The following TLCD5 variants were observed in gnomAD, a reference collection of about 807,000 sequenced individuals.
TLCD5 encodes TLC domain containing 5.
Under a neutral mutation model 20.5 loss-of-function variants are expected in TLCD5, and 15 were observed. That is an observed-to-expected ratio of 0.73 (90% CI 0.49 to 1.13). The LOEUF (loss-of-function observed/expected upper bound fraction) is 1.13, where lower values mean the gene tolerates loss of function less well. Ranked by LOEUF, TLCD5 falls within the 50% of genes most tolerant of loss-of-function variation. The pLI is 0.00. For missense variants in TLCD5, 289 were observed against 305.6 expected (o/e 0.95, Z 0.41); for synonymous variants, 107 against 114.7 (o/e 0.93, Z 0.43).
Position 120,330,479 on chromosome 11 carries a change from G to A in TLCD5, c.702G>A (p.Arg234=). The change falls in exon 3 of 3, where the codon CGG becomes CGA. Residue 234 remains arginine (R), a synonymous_variant. Coordinates refer to ENST00000375095, the MANE Select transcript of TLCD5 (RefSeq NM_001198671.2). ...GGAGAAGCAGGCGGAGTGAGGAACG[G>A]CAGCTGAAACACAACGGACATCTCA... ...HAWRSRRSEE[R]QLKHNGHLKI... The A allele has an allele frequency of 1.9e-6, 3 of 1,613,852 alleles. No homozygotes were observed. The Admixed American group carries it at 5.0e-5, about 27-fold the overall frequency.
rs1308326398 is a variant in TLCD5 at position 120,327,445 on chromosome 11, G to T, written c.4G>T (p.Ala2Ser). Reference protein sequence around the residue: MALALCLQVLCS... With the variant: MSLALCLQVLCS... Reference sequence around the variant, plus strand: ...GTTTTGGTCTTTTCATCACAGGATGGCATTAGCTCTGTGTCTGCAGGTGCT... The same window carrying T: ...GTTTTGGTCTTTTCATCACAGGATGTCATTAGCTCTGTGTCTGCAGGTGCT... The change falls in exon 2 of 3, where the codon GCA becomes TCA. Residue 2 changes from alanine (A) to serine (S), a missense_variant. Transcript: ENST00000375095. 6.2e-7 allele frequency: 1 copy of T among 1,614,174 alleles called. No homozygotes were observed.
Position 120,330,376 on chromosome 11 carries a change from T to C in TLCD5, c.599T>C (p.Met200Thr). ...KWFVKAGGVA[M>T]YAVSWCFMFS... The stretch of plus-strand genomic sequence containing the variant: ...TTTGTGAAGGCTGGGGGAGTAGCGA[T>C]GTATGCTGTGTCTTGGTGTTTCATG... The change falls in exon 3 of 3, where the codon ATG becomes ACG. Residue 200 changes from methionine (M) to threonine (T), a missense_variant. Coordinates refer to ENST00000375095, the MANE Select transcript of TLCD5 (RefSeq NM_001198671.2). 4 of 1,614,090 alleles carry C rather than the reference T, an allele frequency of 2.5e-6. No homozygotes were observed. The highest frequency in any genetic ancestry group is 3.4e-6 in the Non-Finnish European group (4 of 1,179,996).
At chr11:120,328,678 A>T (rs12802648) in intron 2 of TLCD5, among the ~76,000 whole-genome samples, 485 of 24,062 alleles carry the variant, frequency 0.02, 3 homozygotes, top group African/African-American at 0.055. Flanking sequence ...TAACAGTCAT[A>T]GTGTGTGTGT....
chr11:120,328,977 C>T (rs1942084179), intron 2 of TLCD5, among the ~76,000 whole-genome samples: 1 of 97,906 alleles, frequency 1.0e-5, no homozygotes, highest in Non-Finnish European at 1.9e-5. Context: ...TATCTGTGTC[C>T]TAATCCCTTC....
intron 2 of TLCD5, among the ~76,000 whole-genome samples, chr11:120,328,462 G>C (rs1942050323): frequency 6.6e-6 from 1 of 152,176 alleles, no homozygotes; most frequent in Non-Finnish European, 1.5e-5. Context: ...GGCTTAACCA[G>C]ATGTTCATTT....
intron 1 of TLCD5, chr11:120,327,227 C>T (rs1015933465): frequency 8.9e-6 from 7 of 785,074 alleles, no homozygotes; most frequent in Non-Finnish European, 1.2e-5. Flanking sequence ...ACAACATTGA[C>T]CAGTTGCTAA....
Position 120,330,012 on chromosome 11 carries a change from T to A in TLCD5, c.235T>A (p.Cys79Ser). 6.2e-7 allele frequency: 1 copy of A among 1,614,186 alleles called. No individual in the cohort carries two copies. The highest frequency in any genetic ancestry group is 1.1e-5 in the South Asian group (1 of 91,080). ...PNTPLQVHVL[C>S]LTLGYFIFDL... is the part of the protein sequence containing the mutation. ...TACACCTCTCCAAGTTCATGTCCTGTGTCTCACCTTGGGCTACTTCATCTT... is the reference window on the plus strand; with the variant it reads ...TACACCTCTCCAAGTTCATGTCCTGAGTCTCACCTTGGGCTACTTCATCTT... Residue 79 changes from cysteine to serine, a missense_variant, in exon 3 of 3, where the codon TGT (cysteine) becomes AGT (serine). Cys to Ser is a moderately radical substitution (Grantham distance 112). Coordinates refer to ENST00000375095, the MANE Select transcript of TLCD5 (RefSeq NM_001198671.2).
At position 120,330,935 on chromosome 11, in the gene TLCD5, A is replaced by T. The variant is rs1232268329; in HGVS notation, c.*420A>T. 1.3e-5 allele frequency: 2 copies of T among 156,018 alleles called. No homozygotes were observed. Among genetic ancestry groups the T allele is most frequent in the African/African-American group, 4.8e-5 (2 of 41,546 alleles). The allele number at this position is 156,018 out of a possible 1,614,324, so 9.7% of individuals were successfully genotyped here. A position where few individuals can be genotyped will look rare whatever the true frequency, so the allele number is the denominator to read the frequency against. The stretch of plus-strand genomic sequence containing the variant: ...ATTTCTGCTTTCCATATAGCAATTT[A>T]TCTAAGTTTACCCCATTTACTATAA... On this transcript the variant is annotated 3_prime_UTR_variant, in exon 3 of 3. Transcript: ENST00000375095.
In TLCD5 at chr11:120,327,567, C is replaced by T. The variant is rs1942030676; in HGVS notation, c.126C>T (p.Thr42=). 2 of 1,614,168 alleles carry T rather than the reference C, an allele frequency of 1.2e-6. No individual in the cohort carries two copies. The highest frequency in any genetic ancestry group is 1.7e-6 in the Non-Finnish European group (2 of 1,180,030). ...GGAGCTGCCGCCTGGTCACCTTCAC[C>T]CATGGAGTCCTCTCTATAGGCCTCT... The part of the protein sequence containing the change: ...YEWSCRLVTF[T]HGVLSIGLSA... The change falls in exon 2 of 3, where the codon ACC becomes ACT. Residue 42 remains threonine, a synonymous_variant. Coordinates refer to ENST00000375095, the MANE Select transcript of TLCD5 (RefSeq NM_001198671.2).
In TLCD5 at chr11:120,330,399, A is replaced by G; in HGVS notation, c.622A>G (p.Met208Val). The change falls in exon 3 of 3, where the codon ATG (methionine) becomes GTG (valine). Residue 208 changes from methionine to valine, a missense_variant. By Grantham distance (21) the Met-to-Val change is conservative. Coordinates refer to ENST00000375095, the MANE Select transcript of TLCD5 (RefSeq NM_001198671.2). ...VAMYAVSWCF[M>V]FSIWRFAWRK... ...GATGTATGCTGTGTCTTGGTGTTTC[A>G]TGTTTAGCATCTGGCGCTTTGCATG... The G allele has an allele frequency of 6.2e-7, 1 of 1,614,084 alleles. No individual in the cohort carries two copies. The highest frequency in any genetic ancestry group is 8.5e-7 in the Non-Finnish European group (1 of 1,180,012).
chr11:120,327,061 T>G (rs553643411), intron 1 of TLCD5: 21 of 298,396 alleles, frequency 7.0e-5, no homozygotes, highest in Non-Finnish European at 1.3e-4. Flanking sequence ...CATTGGGGTT[T>G]TTGAACTGTG....
At chr11:120,326,002 G>T (rs1364237950) in intron 1 of TLCD5, among the ~76,000 whole-genome samples, 1 of 152,208 alleles carries the variant, frequency 6.6e-6, no homozygotes, top group Non-Finnish European at 1.5e-5. Flanking sequence ...CTGGCCTTTA[G>T]AAGGAGATAA....
chr11:120,327,633 C>A lies in TLCD5; in HGVS notation c.192C>A (p.Thr64=). Residue 64 remains threonine (T), a synonymous_variant, in exon 2 of 3, where the codon ACC becomes ACA. Coordinates refer to ENST00000375095, the MANE Select transcript of TLCD5 (RefSeq NM_001198671.2). The part of the protein sequence containing the change: ...IGFIDGPWPF[T]HPGSPNTPLQ... The stretch of plus-strand genomic sequence containing the variant: ...TCATTGATGGCCCATGGCCTTTTAC[C>A]CACCCAGGTAGGTAGGGGATTTTCC... 6.2e-7 allele frequency: 1 copy of A among 1,612,852 alleles called. No homozygotes were observed. The highest frequency in any genetic ancestry group is 8.5e-7 in the Non-Finnish European group (1 of 1,179,310).
chr11:120,329,054 T>A (rs77634004), intron 2 of TLCD5, among the ~76,000 whole-genome samples: 593 of 7,474 alleles, frequency 0.079, no homozygotes, highest in Middle Eastern at 0.17. Context: ...TCTGTGTCCT[T>A]ATCCCTTCTA....
chr11:120,329,165 T>G (rs765065637), intron 2 of TLCD5, among the ~76,000 whole-genome samples: 6 of 151,838 alleles, frequency 4.0e-5, no homozygotes, highest in Non-Finnish European at 8.8e-5. Flanking sequence ...CATATTGGAT[T>G]ACTCTAATTA....
rs868384170 is a variant in TLCD5 at position 120,327,574 on chromosome 11, G to A, written c.133G>A (p.Val45Ile). 1 of 1,614,174 alleles carries A rather than the reference G, an allele frequency of 6.2e-7. No individual in the cohort carries two copies. Residue 45 changes from valine to isoleucine, a missense_variant, in exon 2 of 3, where the codon GTC becomes ATC. Physicochemically the swap from Val to Ile is conservative, Grantham distance 29 (BLOSUM62 3). Transcript: ENST00000375095. ...CCGCCTGGTCACCTTCACCCATGGA[G>A]TCCTCTCTATAGGCCTCTCCGCTTA... ...SCRLVTFTHG[V>I]LSIGLSAYIG...
chr11:120,328,950 GTATGTT>G (rs1942082027), intron 2 of TLCD5, among the ~76,000 whole-genome samples: 1 of 116,682 alleles, frequency 8.6e-6, no homozygotes, highest in Non-Finnish European at 1.8e-5. Flanking sequence ...GTGTGTTTGT[GTATGTT>G]TATGTATGCA....
chr11:120,330,584 T>TA lies in TLCD5; in HGVS notation c.*70dup. On this transcript the variant is annotated 3_prime_UTR_variant, in exon 3 of 3. Transcript: ENST00000375095. ...GGAACCAGGTTGGAAATATGACTGTTACATAATTACACTTATAACAAACTT... is the reference window on the plus strand; with the variant it reads ...GGAACCAGGTTGGAAATATGACTGTTAACATAATTACACTTATAACAAACTT... 16 of 1,490,172 alleles carry TA rather than the reference T, an allele frequency of 1.1e-5. 1 individual carries two copies. In the South Asian group the frequency reaches 2.1e-4, roughly 20 times the overall value. The allele number at this position is 1,490,172 out of a possible 1,614,324, so 92.3% of individuals were successfully genotyped here.
intron 2 of TLCD5, 140 bp from the exon 3 acceptor site, chr11:120,329,837 C>T (rs760294604): frequency 2.3e-4 from 180 of 793,232 alleles, no homozygotes; most frequent in Non-Finnish European, 3.2e-4. Flanking sequence ...TTTCTTTGGT[C>T]CTCATTAAAA....
Sources: allele counts gnomAD v4.1 joint callset (sites outside exome capture counted in the v4.1 genomes callset), GRCh38; gene constraint gnomAD v4.1.1; transcripts MANE v1.5; gene names NCBI Gene and HGNC (gene_info 2026-07-23, HGNC 2026-07-21).